POMP: variants seen among roughly 807,000 people sequenced by gnomAD.
POMP encodes the protein proteasome maturation protein.
Under a neutral mutation model 20.6 loss-of-function variants are expected in POMP, and 12 were observed. That is an observed-to-expected ratio of 0.58 (90% CI 0.37 to 0.94). POMP has a LOEUF of 0.94. Ranked by LOEUF, POMP falls within the 40% of genes least tolerant of loss-of-function variation. The probability of loss-of-function intolerance (pLI) is 0.01; values close to 1 mark genes in which losing one functional copy is unlikely to be tolerated. For missense variants in POMP, 136 were observed against 161.1 expected (o/e 0.84, Z 0.84); for synonymous variants, 53 against 55.0 (o/e 0.96, Z 0.16).
intron 2 of POMP, among the ~76,000 whole-genome samples, chr13:28,663,718 A>G (rs1218509971): frequency 6.6e-6 from 1 of 152,200 alleles, no homozygotes; most frequent in African/African-American, 2.4e-5. Flanking sequence ...TGCAGCATAT[A>G]GCCTGTGAAA....
At chr13:28,661,106 A>G (rs1369869429) in intron 1 of POMP, among the ~76,000 whole-genome samples, 1 of 152,222 alleles carries the variant, frequency 6.6e-6, no homozygotes, top group Non-Finnish European at 1.5e-5. Flanking sequence ...AACTACCTGT[A>G]GCTGTTTTAC....
intron 2 of POMP, among the ~76,000 whole-genome samples, chr13:28,662,999 A>G (rs376651351): frequency 1.2e-4 from 18 of 152,312 alleles, no homozygotes; most frequent in African/African-American, 3.8e-4. Context: ...AATAGTCTGT[A>G]TCTTCTTTTG....
At chr13:28,672,582 T>G in intron 5 of POMP, 150 bp downstream of exon 5, 1 of 711,410 alleles carries the variant, frequency 1.4e-6, no homozygotes, top group Non-Finnish European at 2.5e-6. Flanking sequence ...TTAATGGTAG[T>G]AACTGTTCTT....
intron 3 of POMP, among the ~76,000 whole-genome samples, chr13:28,665,229 T>A (rs932451510): frequency 1.3e-5 from 2 of 152,124 alleles, no homozygotes; most frequent in African/African-American, 2.4e-5. Flanking sequence ...TAAATAAACA[T>A]TTAGAGGAAG....
At chr13:28,660,158 G>A (rs1884308703) in intron 1 of POMP, among the ~76,000 whole-genome samples, 1 of 152,188 alleles carries the variant, frequency 6.6e-6, no homozygotes, top group Admixed American at 6.5e-5. Flanking sequence ...CAGTCCAGAA[G>A]GAGGAGAATG....
intron 1 of POMP, among the ~76,000 whole-genome samples, chr13:28,659,634 G>A (rs1771208): frequency 0.044 from 6,745 of 152,000 alleles, 500 homozygotes; most frequent in African/African-American, 0.15. Flanking sequence ...CTAGTAAACA[G>A]CCCACAACTA....
chr13:28,662,387 A>G (rs1884358232), intron 1 of POMP, 23 bp from the exon 2 acceptor site: 1 of 1,565,438 alleles, frequency 6.4e-7, no homozygotes, highest in Non-Finnish European at 8.8e-7. Context: ...TCTATTTAAT[A>G]ATGTTTTTTA....
chr13:28,664,851 T>G (rs576527843), intron 3 of POMP, among the ~76,000 whole-genome samples: 2 of 152,322 alleles, frequency 1.3e-5, no homozygotes, highest in South Asian at 4.1e-4. Context: ...ATGCTGTTTC[T>G]TTTATATTTT....
At chr13:28,668,926 T>C (rs1156729240) in intron 4 of POMP, among the ~76,000 whole-genome samples, 1 of 151,946 alleles carries the variant, frequency 6.6e-6, no homozygotes, top group Non-Finnish European at 1.5e-5. Flanking sequence ...AAGGAATAAG[T>C]ACTTGGAAAA....
At position 28,659,164 on chromosome 13, in the gene POMP, C is replaced by CTGT. The variant is rs765000515; in HGVS notation, c.-19_-17dup. The CTGT allele has an allele frequency of 5.1e-6, 8 of 1,583,802 alleles. No individual in the cohort carries two copies. The South Asian group carries it at 8.0e-5, about 16-fold the overall frequency. On this transcript the variant is annotated 5_prime_UTR_variant, in exon 1 of 6. Coordinates refer to ENST00000380842, the MANE Select transcript of POMP (RefSeq NM_015932.6). ...GACTGACGGTAACGGGGCAGAGAGG[C>CTGT]TGTTCGCAGAGCTGCGGAAGATGGT...
intron 5 of POMP, 101 bp from the exon 6 acceptor site, chr13:28,677,934 T>G (rs1181885167): frequency 8.2e-7 from 1 of 1,223,670 alleles, no homozygotes; most frequent in African/African-American, 1.5e-5. Context: ...TCTATAACTT[T>G]AGGTTAGTTT....
At chr13:28,659,213 G>A (rs1244963456) in intron 1 of POMP, 26 bp downstream of exon 1, 1 of 1,583,700 alleles carries the variant, frequency 6.3e-7, no homozygotes. Context: ...GGCGGCTGGA[G>A]TTCCACGCGG....
At chr13:28,676,312 C>T (rs1224274236) in intron 5 of POMP, among the ~76,000 whole-genome samples, 1 of 152,160 alleles carries the variant, frequency 6.6e-6, no homozygotes, top group East Asian at 1.9e-4. Flanking sequence ...CCGGGAATCA[C>T]ATTTCCAACA....
chr13:28,663,998 AC>A (rs1884394287), intron 2 of POMP, among the ~76,000 whole-genome samples: 2 of 152,332 alleles, frequency 1.3e-5, no homozygotes, highest in East Asian at 3.9e-4. Flanking sequence ...AGTGATAAAG[AC>A]CAGTGGCCTG....
chr13:28,675,435 G>A (rs959195508), intron 5 of POMP, among the ~76,000 whole-genome samples: 6 of 152,182 alleles, frequency 3.9e-5, no homozygotes, highest in African/African-American at 9.7e-5. Flanking sequence ...CATCACGCCC[G>A]GCCAGGTAGA....
At position 28,659,193 on chromosome 13, in the gene POMP, TG is replaced by T; in HGVS notation, c.3+9del. 1 of 1,590,132 alleles carries T rather than the reference TG, an allele frequency of 6.3e-7. No homozygotes were observed. The highest frequency in any genetic ancestry group is 1.3e-5 in the African/African-American group (1 of 74,300). On this transcript the variant is annotated splice_region_variant and intron_variant, in intron 1 of 5. Transcript: ENST00000380842. ...TCGCAGAGCTGCGGAAGATGGTGAGTGGGTACCCGGGCGGCTGGAGTTCCAC... is the reference window on the plus strand; with the variant it reads ...TCGCAGAGCTGCGGAAGATGGTGAGTGGTACCCGGGCGGCTGGAGTTCCAC...
intron 1 of POMP, among the ~76,000 whole-genome samples, chr13:28,660,168 G>A (rs2137788215): frequency 6.6e-6 from 1 of 152,326 alleles, no homozygotes; most frequent in Admixed American, 6.5e-5. Flanking sequence ...GGAGGAGAAT[G>A]TTCATATAGG....
At chr13:28,673,763 T>C (rs971401365) in intron 5 of POMP, among the ~76,000 whole-genome samples, 2 of 152,220 alleles carry the variant, frequency 1.3e-5, no homozygotes, top group Non-Finnish European at 2.9e-5. Flanking sequence ...AGCATTCATT[T>C]AAAAATCTGC....
At chr13:28,677,918 T>A in intron 5 of POMP, 117 bp from the exon 6 acceptor site, 1 of 1,045,326 alleles carries the variant, frequency 9.6e-7, no homozygotes, top group Non-Finnish European at 1.4e-6. Context: ...AATCACTGGT[T>A]TGTTTTCTAT....
Sources: gnomAD v4.1 joint callset for allele counts (sites outside exome capture counted in the v4.1 genomes callset) on GRCh38, gnomAD v4.1.1 for gene constraint, MANE v1.5 for transcripts, NCBI Gene and HGNC (gene_info 2026-07-23, HGNC 2026-07-21) for gene names.